CNTNAP3: variants seen among roughly 807,000 people sequenced by gnomAD.
The protein encoded by CNTNAP3 is contactin-associated protein-like 3.
A neutral mutation model predicts 92.1 loss-of-function variants in CNTNAP3; 36 were observed. That is an observed-to-expected ratio of 0.39 (90% CI 0.30 to 0.52). The LOEUF is 0.52. Among genes scored for constraint, CNTNAP3 ranks in the 20% least tolerant of loss-of-function variants. The pLI, the probability that CNTNAP3 is intolerant of heterozygous loss-of-function variation, is 0.76. For missense variants in CNTNAP3, 534 were observed against 1,069.6 expected, an observed-to-expected ratio of 0.50 and a Z score of 6.98; for synonymous variants, 232 against 422.3, an observed-to-expected ratio of 0.55 and a Z score of 5.53.
chr9:39,177,852 TG>T (rs1488775323), intron 5 of CNTNAP3, among the ~76,000 whole-genome samples: 1 of 112,736 alleles, frequency 8.9e-6, no homozygotes, highest in Non-Finnish European at 1.7e-5. Context: ...TACACACATA[TG>T]GTGATCTTGC....
chr9:39,140,266 T>C (rs866247666), intron 12 of CNTNAP3, among the ~76,000 whole-genome samples: 1 of 152,156 alleles, frequency 6.6e-6, no homozygotes, highest in Non-Finnish European at 1.5e-5. Flanking sequence ...ATGATGCACA[T>C]GAACAGATGT....
intron 12 of CNTNAP3, among the ~76,000 whole-genome samples, chr9:39,138,691 G>A (rs551869283): frequency 3.2e-4 from 48 of 152,340 alleles, no homozygotes; most frequent in African/African-American, 1.1e-3. Context: ...CTCTGTCTGG[G>A]TCTTCCTGGA....
At chr9:39,083,352 A>G (rs1475152049) in intron 21 of CNTNAP3, among the ~76,000 whole-genome samples, 1 of 151,964 alleles carries the variant, frequency 6.6e-6, no homozygotes, top group Non-Finnish European at 1.5e-5. Flanking sequence ...TGATATATAT[A>G]TGTAATTTTT....
chr9:39,144,217 C>T (rs1692972), intron 11 of CNTNAP3, 23 bp downstream of exon 11: 192 of 1,569,016 alleles, frequency 1.2e-4, no homozygotes, highest in Middle Eastern at 6.9e-4. Flanking sequence ...CTGACAGAAA[C>T]GAGAGGGAGG....
intron 19 of CNTNAP3, among the ~76,000 whole-genome samples, chr9:39,087,670 T>C (rs1826093599): frequency 6.6e-6 from 1 of 152,118 alleles, no homozygotes. Flanking sequence ...GTATTTTTAG[T>C]AGAGATGGGG....
intron 23 of CNTNAP3, among the ~76,000 whole-genome samples, chr9:39,075,468 AAT>A (rs1322549193): frequency 6.6e-6 from 1 of 152,174 alleles, no homozygotes; most frequent in African/African-American, 2.4e-5. Context: ...AGGTAATCAG[AAT>A]ATGTCACCCC....
rs148624311 is a variant in CNTNAP3, at chr9:39,135,219, C to T, written c.1877-2084G>A. On this transcript the variant is annotated intron_variant, in intron 12 of 23. Transcript: ENST00000297668. ...ATAATTTATTTCAATTGATTATAAG[C>T]ATATTGGAACTGGAAAGGATCTTAA... is the stretch of plus-strand genomic sequence containing the variant. Among the ~76,000 whole-genome samples, 890 of 152,184 alleles carry T rather than the reference C, an allele frequency of 5.8e-3. 10 individuals carry two copies. The highest frequency in any genetic ancestry group is 0.02 in the Middle Eastern group (6 of 294).
chr9:39,106,122 C>G (rs921256951), intron 15 of CNTNAP3, among the ~76,000 whole-genome samples: 34 of 152,210 alleles, frequency 2.2e-4, no homozygotes, highest in African/African-American at 8.2e-4. Flanking sequence ...TTGACCCTAT[C>G]CCTGCAGATC....
Position 39,132,927 on chromosome 9 carries a change from C to A in CNTNAP3, c.2080+5G>T. On this transcript the variant is annotated splice_donor_5th_base_variant and intron_variant, in intron 13 of 23. Transcript: ENST00000297668. ...ACCCCTGTAGCCTCCAGGAGTGGCG[C>A]TTACCTCGTGAGTCCGGGCGCCGCG... 1 of 1,543,092 alleles carries A rather than the reference C, an allele frequency of 6.5e-7. No individual in the cohort carries two copies. The highest frequency in any genetic ancestry group is 8.7e-7 in the Non-Finnish European group (1 of 1,154,158).
intron 23 of CNTNAP3, among the ~76,000 whole-genome samples, chr9:39,076,136 C>T (rs1157112285): frequency 3.5e-4 from 54 of 152,300 alleles, no homozygotes; most frequent in African/African-American, 1.2e-3. Flanking sequence ...ACGTTTACTC[C>T]GTCAATCTTG....
chr9:39,084,911 A>G lies in CNTNAP3; in HGVS notation c.3442+825T>C, dbSNP rs558475346. Reference sequence around the variant, plus strand: ...GCTGAATTTCAATGTAGATTTTTATACCGTAAGTTACATGCCTTTGAATAT... The same window carrying G: ...GCTGAATTTCAATGTAGATTTTTATGCCGTAAGTTACATGCCTTTGAATAT... On this transcript the variant is annotated intron_variant, in intron 21 of 23. Coordinates refer to ENST00000297668, the MANE Select transcript of CNTNAP3 (RefSeq NM_033655.5). 6.0e-5 allele frequency: 9 copies of G among 151,230 alleles called. No individual in the cohort carries two copies. In the East Asian group the frequency reaches 1.6e-3, roughly 26 times the overall value. The allele number at this position is 151,230 out of a possible 1,614,324, so 9.4% of individuals were successfully genotyped here.
chr9:39,067,466 C>G lies in CNTNAP3; in HGVS notation c.*6424G>C, dbSNP rs1438814264. ...AGGCTGGAGTGCAATGGCGCAATCT[C>G]GGCCCACTGCAAACTCTGCCTCCCG... On this transcript the variant is annotated 3_prime_UTR_variant, in exon 24 of 24. Coordinates refer to ENST00000297668, the MANE Select transcript of CNTNAP3 (RefSeq NM_033655.5). Among the ~76,000 whole-genome samples the G allele has an allele frequency of 6.6e-6, 1 of 152,308 alleles. No homozygotes were observed. Among genetic ancestry groups the G allele is most frequent in the Admixed American group, 6.5e-5 (1 of 15,294 alleles).
chr9:39,127,190 A>G (rs1424166293), intron 13 of CNTNAP3, among the ~76,000 whole-genome samples: 1 of 152,126 alleles, frequency 6.6e-6, no homozygotes, highest in African/African-American at 2.4e-5. Context: ...CTTCAAAGAA[A>G]TTTATTAAAA....
intron 12 of CNTNAP3, among the ~76,000 whole-genome samples, chr9:39,135,827 G>T (rs1415400180): frequency 6.6e-6 from 1 of 151,962 alleles, no homozygotes; most frequent in African/African-American, 2.4e-5. Flanking sequence ...GAGTAAAAAA[G>T]AAAATAATAA....
At chr9:39,116,405 C>T (rs1587715705) in intron 14 of CNTNAP3, among the ~76,000 whole-genome samples, 3 of 151,646 alleles carry the variant, frequency 2.0e-5, no homozygotes, top group South Asian at 2.1e-4. Context: ...TAAAGATGTC[C>T]GTCAAAAGAT....
intron 23 of CNTNAP3, among the ~76,000 whole-genome samples, chr9:39,075,720 A>G (rs1825744515): frequency 6.6e-6 from 1 of 152,290 alleles, no homozygotes; most frequent in African/African-American, 2.4e-5. Context: ...GACACCTAAA[A>G]TTGCTTTCCA....
intron 14 of CNTNAP3, 151 bp from the exon 15 acceptor site, chr9:39,109,438 T>C (rs1826689139): frequency 1.5e-6 from 2 of 1,378,670 alleles, no homozygotes; most frequent in Non-Finnish European, 2.0e-6. Flanking sequence ...GAGACTACCA[T>C]GAATCTAAAT....
At chr9:39,078,520 T>C (rs1373222438) in intron 22 of CNTNAP3, 64 bp from the exon 23 acceptor site, 17 of 1,608,642 alleles carry the variant, frequency 1.1e-5, no homozygotes, top group Middle Eastern at 2.2e-4. Context: ...AATTTACACA[T>C]AGCAAACTTG....
intron 21 of CNTNAP3, among the ~76,000 whole-genome samples, chr9:39,082,352 T>A (rs1446075717): frequency 2.0e-5 from 3 of 151,844 alleles, no homozygotes; most frequent in African/African-American, 7.3e-5. Flanking sequence ...ATGGACCAAG[T>A]TAGAACAATC....
Sources: allele counts gnomAD v4.1 joint callset (sites outside exome capture counted in the v4.1 genomes callset), GRCh38; gene constraint gnomAD v4.1.1; transcripts MANE v1.5; gene names NCBI Gene and HGNC (gene_info 2026-07-23, HGNC 2026-07-21).